UBASH3B: variants seen among roughly 807,000 people sequenced by gnomAD.
UBASH3B encodes the protein ubiquitin-associated and SH3 domain-containing protein B.
Under a neutral mutation model 83.4 loss-of-function variants are expected in UBASH3B, and 37 were observed. The observed-to-expected ratio is 0.44, with a 90% confidence interval of 0.34 to 0.58. The LOEUF is 0.58. UBASH3B is among the 20% of genes least tolerant of loss of function. The pLI, the probability that UBASH3B is intolerant of heterozygous loss-of-function variation, is 0.01. For missense variants in UBASH3B, 657 were observed against 827.2 expected (o/e 0.79, Z 2.52); for synonymous variants, 304 against 318.3 (o/e 0.96, Z 0.48).
chr11:122,743,212 A>ATCTC (rs145777140), intron 1 of UBASH3B, among the ~76,000 whole-genome samples: 7 of 149,968 alleles, frequency 4.7e-5, no homozygotes, highest in African/African-American at 1.2e-4. Flanking sequence ...AAGTGACTTA[A>ATCTC]TCTCTCTCTC....
At chr11:122,737,345 GA>G (rs896363314) in intron 1 of UBASH3B, among the ~76,000 whole-genome samples, 6 of 152,128 alleles carry the variant, frequency 3.9e-5, no homozygotes, top group African/African-American at 1.4e-4. Flanking sequence ...AACACAGAGA[GA>G]AAACAAGGGA....
chr11:122,773,443 T>C (rs1489988401), intron 1 of UBASH3B, among the ~76,000 whole-genome samples: 1 of 152,202 alleles, frequency 6.6e-6, no homozygotes, highest in East Asian at 1.9e-4. Context: ...CCTGGAGAAT[T>C]GCACACCCCT....
At chr11:122,741,788 G>A (rs1053366492) in intron 1 of UBASH3B, among the ~76,000 whole-genome samples, 1 of 152,110 alleles carries the variant, frequency 6.6e-6, no homozygotes, top group Non-Finnish European at 1.5e-5. Flanking sequence ...TCTGGAGTCA[G>A]CAACCCTCCT....
chr11:122,769,339 C>A (rs780848537), intron 1 of UBASH3B, among the ~76,000 whole-genome samples: 7 of 152,204 alleles, frequency 4.6e-5, no homozygotes, highest in Non-Finnish European at 1.0e-4. Flanking sequence ...CTTCCATGAT[C>A]CAAACGCCTC....
intron 13 of UBASH3B, 92 bp downstream of exon 13, chr11:122,808,268 G>T (rs960351760): frequency 2.0e-6 from 2 of 1,005,300 alleles, no homozygotes; most frequent in African/African-American, 3.2e-5. Flanking sequence ...TGAAGCATGT[G>T]TTTATGCTGA....
intron 1 of UBASH3B, among the ~76,000 whole-genome samples, chr11:122,755,872 T>C (rs1426769476): frequency 6.6e-6 from 1 of 152,238 alleles, no homozygotes; most frequent in Non-Finnish European, 1.5e-5. Flanking sequence ...TTTTTTCCCA[T>C]ACTCACTGAT....
At chr11:122,706,120 C>CT (rs60384458) in intron 1 of UBASH3B, among the ~76,000 whole-genome samples, 292 of 107,596 alleles carry the variant, frequency 2.7e-3, no homozygotes, top group African/African-American at 7.2e-3. Context: ...TTTTTTTTTT[C>CT]TTTTTTTTTT....
At chr11:122,760,802 G>A (rs1861359013) in intron 1 of UBASH3B, among the ~76,000 whole-genome samples, 1 of 152,214 alleles carries the variant, frequency 6.6e-6, no homozygotes, top group Non-Finnish European at 1.5e-5. Flanking sequence ...GAGATGAAGA[G>A]TTTAAAAAGT....
At chr11:122,722,465 T>G (rs532472564) in intron 1 of UBASH3B, among the ~76,000 whole-genome samples, 3 of 152,338 alleles carry the variant, frequency 2.0e-5, no homozygotes, top group Non-Finnish European at 4.4e-5. Context: ...TGTCTGTGTG[T>G]CTCTGGATAT....
At chr11:122,680,089 C>T (rs1483952868) in intron 1 of UBASH3B, among the ~76,000 whole-genome samples, 1 of 152,180 alleles carries the variant, frequency 6.6e-6, no homozygotes, top group Non-Finnish European at 1.5e-5. Flanking sequence ...CCTCGGCCTC[C>T]CAAAGTGCTG....
intron 6 of UBASH3B, among the ~76,000 whole-genome samples, chr11:122,791,236 A>G (rs978529317): frequency 6.6e-6 from 1 of 152,164 alleles, no homozygotes; most frequent in African/African-American, 2.4e-5. Context: ...TGTGATTAAG[A>G]ATTTGAGACT....
intron 1 of UBASH3B, among the ~76,000 whole-genome samples, chr11:122,718,244 G>A (rs775591225): frequency 1.3e-5 from 2 of 152,112 alleles, no homozygotes; most frequent in Non-Finnish European, 2.9e-5. Flanking sequence ...TTTTAAACAC[G>A]TCCAAGAAAG....
intron 1 of UBASH3B, chr11:122,774,401 C>A: frequency 1.3e-6 from 1 of 778,866 alleles, no homozygotes; most frequent in Non-Finnish European, 1.6e-6. Flanking sequence ...AGCAGAACAA[C>A]AGAGGCTGGC....
intron 6 of UBASH3B, among the ~76,000 whole-genome samples, chr11:122,791,946 T>C (rs1861061071): frequency 6.6e-6 from 1 of 152,220 alleles, no homozygotes; most frequent in Non-Finnish European, 1.5e-5. Context: ...AGCACAGGCC[T>C]GGTGTGTTGC....
At chr11:122,712,573 G>T (rs1041076060) in intron 1 of UBASH3B, among the ~76,000 whole-genome samples, 1 of 152,078 alleles carries the variant, frequency 6.6e-6, no homozygotes, top group Non-Finnish European at 1.5e-5. Flanking sequence ...TCTGCATCCT[G>T]TTGAGCACCA....
At chr11:122,719,890 C>G (rs545540485) in intron 1 of UBASH3B, among the ~76,000 whole-genome samples, 2 of 152,302 alleles carry the variant, frequency 1.3e-5, no homozygotes, top group East Asian at 3.9e-4. Context: ...TCTCTCGATG[C>G]TTCCTTAAAG....
intron 1 of UBASH3B, among the ~76,000 whole-genome samples, chr11:122,701,331 A>G (rs931121885): frequency 6.6e-6 from 1 of 152,200 alleles, no homozygotes; most frequent in African/African-American, 2.4e-5. Context: ...ATGAAGTGCA[A>G]AAAGTTGAAT....
intron 4 of UBASH3B, among the ~76,000 whole-genome samples, chr11:122,781,675 G>C (rs920837147): frequency 3.3e-5 from 5 of 152,228 alleles, no homozygotes; most frequent in African/African-American, 1.2e-4. Context: ...ATGGGAAGCC[G>C]GCCACCATGT....
intron 5 of UBASH3B, among the ~76,000 whole-genome samples, chr11:122,788,127 G>C (rs1046107036): frequency 6.6e-6 from 1 of 152,196 alleles, no homozygotes; most frequent in East Asian, 1.9e-4. Context: ...CTGTTTCGGA[G>C]CCCAAAGTAA....
Sources: gnomAD v4.1 joint callset for allele counts (sites outside exome capture counted in the v4.1 genomes callset) on GRCh38, gnomAD v4.1.1 for gene constraint, MANE v1.5 for transcripts, NCBI Gene and HGNC (gene_info 2026-07-23, HGNC 2026-07-21) for gene names.